PACSIN2: variants seen among roughly 807,000 people sequenced by gnomAD.
PACSIN2 encodes protein kinase C and casein kinase substrate in neurons protein 2.
A neutral mutation model predicts 63.8 loss-of-function variants in PACSIN2; 25 were observed. That is an observed-to-expected ratio of 0.39 (90% confidence interval 0.29 to 0.55). The LOEUF (loss-of-function observed/expected upper bound fraction) is 0.55. Ranked by LOEUF, PACSIN2 falls within the 20% of genes least tolerant of loss-of-function variation. The pLI is 0.62. For synonymous variants in PACSIN2, 255 were observed against 256.2 expected, an observed-to-expected ratio of 1.00 and a Z score of 0.05; for missense variants, 518 against 646.9, an observed-to-expected ratio of 0.80 and a Z score of 2.16.
At chr22:42,974,514 T>C (rs1921546609) in intron 1 of PACSIN2, among the ~76,000 whole-genome samples, 1 of 152,094 alleles carries the variant, frequency 6.6e-6, no homozygotes, top group Non-Finnish European at 1.5e-5. Flanking sequence ...AGGCTTCTTG[T>C]CTGGGTAGAG....
rs1335076232 is a variant in PACSIN2, at chr22:42,876,958, A to T, written c.1081T>A (p.Tyr361Asn). 6.2e-7 allele frequency: 1 copy of T among 1,614,116 alleles called. No individual in the cohort carries two copies. Residue 361 changes from tyrosine (Y) to asparagine (N), a missense_variant, in exon 9 of 11, where the codon TAC (tyrosine) becomes AAC (asparagine). By Grantham distance (143) the Tyr-to-Asn change is moderately radical. Coordinates refer to ENST00000263246, the MANE Select transcript of PACSIN2 (RefSeq NM_001184970.3). ...PAQSAQSQSS[Y>N]NPFEDEDDTG... ...TCGTCCTCATCCTCGAAGGGGTTGTAGCTGGACTGTGACTGCGCAGACTGG... is the reference window on the plus strand; with the variant it reads ...TCGTCCTCATCCTCGAAGGGGTTGTTGCTGGACTGTGACTGCGCAGACTGG...
intron 1 of PACSIN2, chr22:42,959,506 A>G (rs1288824325): frequency 1.3e-5 from 2 of 152,244 alleles, no homozygotes; most frequent in African/African-American, 4.8e-5. Flanking sequence ...AGAGTCAAAA[A>G]TTACAAAACA....
chr22:42,917,747 T>C (rs5996247), intron 1 of PACSIN2, among the ~76,000 whole-genome samples: 31,578 of 152,094 alleles, frequency 0.21, 5,535 homozygotes, highest in East Asian at 0.73. Context: ...TAGTAAGCCA[T>C]GGTGGTTTAA....
chr22:42,987,265 A>T (rs1440943536), intron 1 of PACSIN2, among the ~76,000 whole-genome samples: 3 of 152,126 alleles, frequency 2.0e-5, no homozygotes, highest in Non-Finnish European at 4.4e-5. Context: ...TAACAGCACT[A>T]ACCTTGGGTA....
chr22:43,004,416 C>T (rs899700073), intron 1 of PACSIN2, among the ~76,000 whole-genome samples: 2 of 152,236 alleles, frequency 1.3e-5, no homozygotes, highest in African/African-American at 4.8e-5. Context: ...TATCTGATGA[C>T]ACATTTGCAG....
At chr22:42,891,696 G>A (rs530242623) in intron 3 of PACSIN2, among the ~76,000 whole-genome samples, 128 of 152,240 alleles carry the variant, frequency 8.4e-4, no homozygotes, top group African/African-American at 2.8e-3. Flanking sequence ...GTGAGCCACC[G>A]CGCCCGGCCA....
chr22:42,880,065 G>A (rs1353394798), intron 7 of PACSIN2, among the ~76,000 whole-genome samples: 2 of 152,208 alleles, frequency 1.3e-5, no homozygotes, highest in Non-Finnish European at 2.9e-5. Context: ...CATGCCCGCA[G>A]GTGTTTAATG....
chr22:42,958,397 G>A (rs1934000789), intron 1 of PACSIN2, among the ~76,000 whole-genome samples: 1 of 152,096 alleles, frequency 6.6e-6, no homozygotes, highest in African/African-American at 2.4e-5. Context: ...GGTCTCAAAG[G>A]ACTAACACTG....
At chr22:42,885,446 G>A (rs1469924381) in intron 5 of PACSIN2, among the ~76,000 whole-genome samples, 2 of 152,106 alleles carry the variant, frequency 1.3e-5, no homozygotes, top group African/African-American at 2.4e-5. Context: ...TACTATGGGG[G>A]TAGTCACGGG....
chr22:42,882,334 G>C, intron 6 of PACSIN2, 30 bp from the exon 7 acceptor site: 1 of 1,587,940 alleles, frequency 6.3e-7, no homozygotes, highest in Non-Finnish European at 8.6e-7. Flanking sequence ...GGCTCTTTTA[G>C]AAGGCAGGGG....
At chr22:42,900,685 G>A (rs1930624930) in intron 2 of PACSIN2, among the ~76,000 whole-genome samples, 1 of 152,108 alleles carries the variant, frequency 6.6e-6, no homozygotes, top group African/African-American at 2.4e-5. Flanking sequence ...TGTTGCCAGG[G>A]CTGATTTCAA....
chr22:42,927,867 G>A (rs865907398), intron 1 of PACSIN2, among the ~76,000 whole-genome samples: 18 of 152,182 alleles, frequency 1.2e-4, no homozygotes, highest in East Asian at 1.9e-4. Context: ...AATTACAGGC[G>A]TGAGCCACCG....
At chr22:42,931,377 A>C (rs1932774220) in intron 1 of PACSIN2, among the ~76,000 whole-genome samples, 2 of 152,196 alleles carry the variant, frequency 1.3e-5, no homozygotes, top group African/African-American at 4.8e-5. Flanking sequence ...GCTGCTTTCC[A>C]CCCAGGGAAG....
At chr22:42,879,192 G>C (rs778925525) in intron 7 of PACSIN2, 23 bp from the exon 8 acceptor site, 3 of 1,608,774 alleles carry the variant, frequency 1.9e-6, no homozygotes, top group South Asian at 2.2e-5. Context: ...TGCCGAGGGA[G>C]AGAAACCAAA....
intron 1 of PACSIN2, among the ~76,000 whole-genome samples, chr22:42,945,146 G>GCTT (rs1933357310): frequency 6.6e-6 from 1 of 151,648 alleles, no homozygotes; most frequent in African/African-American, 2.4e-5. Flanking sequence ...TATCCCCAGT[G>GCTT]CTTAGCATGA....
At chr22:42,985,821 G>C (rs1252438271) in intron 1 of PACSIN2, among the ~76,000 whole-genome samples, 3 of 152,166 alleles carry the variant, frequency 2.0e-5, no homozygotes, top group African/African-American at 7.2e-5. Context: ...GAATCACTGA[G>C]CAAAACCCAG....
intron 1 of PACSIN2, among the ~76,000 whole-genome samples, chr22:43,009,311 T>C (rs1044552748): frequency 1.3e-5 from 2 of 152,206 alleles, no homozygotes; most frequent in African/African-American, 4.8e-5. Flanking sequence ...CAGAAATGTT[T>C]TGAGGACAAA....
At chr22:42,890,600 C>T (rs1929833594) in intron 4 of PACSIN2, among the ~76,000 whole-genome samples, 1 of 152,134 alleles carries the variant, frequency 6.6e-6, no homozygotes, top group Non-Finnish European at 1.5e-5. Flanking sequence ...TGCCGGTAGT[C>T]CCAGCTACTC....
In PACSIN2 at chr22:42,976,039, G is replaced by A. The variant is rs779968982; in HGVS notation, c.-78+38982C>T. Among the ~76,000 whole-genome samples, 49 of 152,166 alleles carry A rather than the reference G, an allele frequency of 3.2e-4. 1 individual carries two copies. Among genetic ancestry groups the A allele is most frequent in the Non-Finnish European group, 8.8e-5 (6 of 68,040 alleles). On this transcript the variant is annotated intron_variant, in intron 1 of 10. Coordinates refer to ENST00000263246, the MANE Select transcript of PACSIN2 (RefSeq NM_001184970.3). ...CCAATCTGAGCTGAAACCCTACAGAGTTCACAGCATTGAGGCCTTCCCCTC... is the reference window on the plus strand; with the variant it reads ...CCAATCTGAGCTGAAACCCTACAGAATTCACAGCATTGAGGCCTTCCCCTC...
Sources: gnomAD v4.1 joint callset for allele counts (sites outside exome capture counted in the v4.1 genomes callset) on GRCh38, gnomAD v4.1.1 for gene constraint, MANE v1.5 for transcripts, NCBI Gene and HGNC (gene_info 2026-07-23, HGNC 2026-07-21) for gene names.